The following SLC1A2 variants were observed in gnomAD, a reference collection of about 807,000 sequenced individuals.
SLC1A2 encodes the protein solute carrier family 1 member 2.
Under a neutral mutation model 48.8 loss-of-function variants are expected in SLC1A2, and 15 were observed. The observed-to-expected ratio is 0.31, with a 90% CI of 0.21 to 0.47. SLC1A2 has a LOEUF of 0.47. SLC1A2 is among the 20% of genes least tolerant of loss of function. The pLI is 0.99. For synonymous variants in SLC1A2, 279 were observed against 272.6 expected (o/e 1.02, Z -0.23); for missense variants, 502 against 730.5 (o/e 0.69, Z 3.61).
At chr11:35,296,037 G>C (rs538223267) in intron 6 of SLC1A2, among the ~76,000 whole-genome samples, 1 of 152,324 alleles carries the variant, frequency 6.6e-6, no homozygotes, top group African/African-American at 2.4e-5. Context: ...ATTCTGATCT[G>C]TTTGAAAACC....
rs1053863141 is a variant in SLC1A2, at chr11:35,302,351, T to G, written c.731-706A>C. On this transcript the variant is annotated intron_variant, in intron 5 of 10. Transcript: ENST00000278379. ...GGTTAGAATGCTTTTTTAATTTTAT[T>G]TATTTTTTCAGGATCATAAAGACAG... 2.6e-5 allele frequency among the ~76,000 whole-genome samples: 4 copies of G among 152,198 alleles called. No individual in the cohort carries two copies. The East Asian group carries it at 7.7e-4, about 29-fold the overall frequency.
At chr11:35,336,304 C>T (rs964367486) in intron 1 of SLC1A2, among the ~76,000 whole-genome samples, 3 of 152,062 alleles carry the variant, frequency 2.0e-5, no homozygotes, top group African/African-American at 7.2e-5. Flanking sequence ...ACATCCTGCA[C>T]ATGTACCCCA....
chr11:35,311,495 A>G (rs984424567), intron 4 of SLC1A2, among the ~76,000 whole-genome samples: 2 of 152,226 alleles, frequency 1.3e-5, no homozygotes, highest in Non-Finnish European at 1.5e-5. Context: ...GCACACTTGC[A>G]TAAGTGGCAA....
intron 1 of SLC1A2, among the ~76,000 whole-genome samples, chr11:35,334,911 G>T (rs1229729852): frequency 6.6e-6 from 1 of 152,034 alleles, no homozygotes. Context: ...TACAATATGA[G>T]AAGTGACTGT....
chr11:35,304,517 C>T (rs894308003), intron 5 of SLC1A2, among the ~76,000 whole-genome samples: 28 of 152,198 alleles, frequency 1.8e-4, no homozygotes, highest in Admixed American at 1.7e-3. Flanking sequence ...TCCTACTCCT[C>T]GCTCCTTCCA....
At chr11:35,311,250 C>G (rs2134860892) in intron 4 of SLC1A2, among the ~76,000 whole-genome samples, 1 of 152,256 alleles carries the variant, frequency 6.6e-6, no homozygotes. Flanking sequence ...ATCTCTGCCT[C>G]CCGGGCTCAA....
chr11:35,355,889 C>CA (rs34058137), intron 1 of SLC1A2, among the ~76,000 whole-genome samples: 3,923 of 116,920 alleles, frequency 0.034, 146 homozygotes, highest in African/African-American at 0.099. Flanking sequence ...CATCTCATCT[C>CA]AAAAAAAAAA....
chr11:35,285,047 G>A (rs113415405), intron 8 of SLC1A2, among the ~76,000 whole-genome samples: 7 of 152,316 alleles, frequency 4.6e-5, no homozygotes, highest in South Asian at 2.1e-4. Context: ...AGTGCTGCCC[G>A]GGGTTTGAAG....
chr11:35,307,502 G>A (rs1851548957), intron 4 of SLC1A2, among the ~76,000 whole-genome samples: 1 of 152,166 alleles, frequency 6.6e-6, no homozygotes, highest in African/African-American at 2.4e-5. Flanking sequence ...CCACATCTGA[G>A]CTTAAAAAAC....
At chr11:35,413,653 C>A (rs1336959769) in intron 1 of SLC1A2, 1 of 151,906 alleles carries the variant, frequency 6.6e-6, no homozygotes, top group Non-Finnish European at 1.5e-5. Flanking sequence ...AAGAATATAC[C>A]CATGGGCCAC....
rs1014826905 is a variant in SLC1A2, at chr11:35,259,187, A to C, written c.*1707T>G. ...ATGTTTCAAAGGTATCTGATTTAAAAGAGAGAAGTCACAAGGAGCAGATAA... is the reference window on the plus strand; with the variant it reads ...ATGTTTCAAAGGTATCTGATTTAAACGAGAGAAGTCACAAGGAGCAGATAA... On this transcript the variant is annotated 3_prime_UTR_variant, in exon 11 of 11. Coordinates refer to ENST00000278379, the MANE Select transcript of SLC1A2 (RefSeq NM_004171.4). The C allele has an allele frequency of 4.6e-5, 7 of 152,626 alleles. No homozygotes were observed. Among genetic ancestry groups the C allele is most frequent in the African/African-American group, 1.4e-4 (6 of 41,448 alleles). The allele number at this position is 152,626 out of a possible 1,614,324, so 9.5% of individuals were successfully genotyped here.
chr11:35,401,525 T>C (rs1855139761), intron 1 of SLC1A2, among the ~76,000 whole-genome samples: 2 of 152,160 alleles, frequency 1.3e-5, no homozygotes, highest in South Asian at 4.1e-4. Context: ...CAACCACCCA[T>C]CCTCATCATG....
chr11:35,255,083 C>A lies in SLC1A2; in HGVS notation c.*5811G>T, dbSNP rs555812262. ...GCCGAAAAACAAAACCCAATCCTTTCAGTCCTAGCTTTACATCTTGCCCTT... is the reference window on the plus strand; with the variant it reads ...GCCGAAAAACAAAACCCAATCCTTTAAGTCCTAGCTTTACATCTTGCCCTT... On this transcript the variant is annotated 3_prime_UTR_variant, in exon 11 of 11. Transcript: ENST00000278379. 3.2e-6 allele frequency: 1 copy of A among 309,202 alleles called. No individual in the cohort carries two copies. The highest frequency in any genetic ancestry group is 2.2e-5 in the African/African-American group (1 of 45,338). 19.2% of individuals were successfully genotyped at this position (309,202 alleles called of 1,614,324 possible).
At chr11:35,292,219 A>G in intron 7 of SLC1A2, 68 bp downstream of exon 7, 1 of 1,127,612 alleles carries the variant, frequency 8.9e-7, no homozygotes. Context: ...GAGGGTTTTG[A>G]GAAATGAGAA....
At chr11:35,293,380 G>A (rs529466695) in intron 6 of SLC1A2, among the ~76,000 whole-genome samples, 1 of 152,314 alleles carries the variant, frequency 6.6e-6, no homozygotes, top group South Asian at 2.1e-4. Context: ...TTGTAGATAA[G>A]CAGTTTGTCG....
At chr11:35,407,021 G>T (rs778170870) in intron 1 of SLC1A2, among the ~76,000 whole-genome samples, 2 of 152,042 alleles carry the variant, frequency 1.3e-5, no homozygotes, top group Admixed American at 6.5e-5. Context: ...AATGATGAAG[G>T]GTTAAGGGAA....
In SLC1A2 at chr11:35,301,513, A is replaced by T. The variant is rs1183642759; in HGVS notation, c.857+6T>A. ...ACTGCTAAGAAGTAAGAACAAGGCC[A>T]CTTACCACATGATCATGATCACTAA... On this transcript the variant is annotated splice_donor_region_variant and intron_variant, in intron 6 of 10. Coordinates refer to ENST00000278379, the MANE Select transcript of SLC1A2 (RefSeq NM_004171.4). The T allele has an allele frequency of 9.3e-6, 15 of 1,613,204 alleles. No homozygotes were observed.
chr11:35,304,039 C>A (rs916651405), intron 5 of SLC1A2, among the ~76,000 whole-genome samples: 7 of 152,188 alleles, frequency 4.6e-5, no homozygotes, highest in African/African-American at 1.4e-4. Flanking sequence ...CCTTGATCTG[C>A]ACTTGGATGG....
intron 7 of SLC1A2, 88 bp from the exon 8 acceptor site, chr11:35,287,039 A>G: frequency 1.9e-6 from 2 of 1,034,532 alleles, no homozygotes; most frequent in Non-Finnish European, 2.9e-6. Context: ...CTGCATCCTT[A>G]GTTTTTCTTG....
Sources: gnomAD v4.1 joint callset for allele counts (sites outside exome capture counted in the v4.1 genomes callset) on GRCh38, gnomAD v4.1.1 for gene constraint, MANE v1.5 for transcripts, NCBI Gene and HGNC (gene_info 2026-07-23, HGNC 2026-07-21) for gene names.